Variants in AHR observed in about 807,000 individuals in gnomAD.
AHR encodes AH-receptor.
Under a neutral mutation model 86.8 loss-of-function variants are expected in AHR, and 40 were observed. That is an observed-to-expected ratio of 0.46 (90% CI 0.36 to 0.60). The LOEUF (loss-of-function observed/expected upper bound fraction) is 0.60, where lower values mean the gene tolerates loss of function less well. Ranked by LOEUF, AHR falls within the 20% of genes least tolerant of loss-of-function variation. The pLI is 0.00. For missense variants in AHR, 1,001 were observed against 1,011.6 expected (o/e 0.99, Z 0.14); for synonymous variants, 398 against 354.9 (o/e 1.12, Z -1.37).
Position 17,342,971 on chromosome 7 carries a change from A to C in AHR, c.2454A>C (p.Ile818=). 2 of 1,613,622 alleles carry C rather than the reference A, an allele frequency of 1.2e-6. No homozygotes were observed. Among genetic ancestry groups the C allele is most frequent in the South Asian group, 2.2e-5 (2 of 91,032 alleles). The change falls in exon 11 of 11, where the codon ATA becomes ATC. Residue 818 remains isoleucine (I), a synonymous_variant. Coordinates refer to ENST00000242057, the MANE Select transcript of AHR (RefSeq NM_001621.5). ...NETYPAELNN[I]NNTQTTTHLQ... ...CATATCCAGCTGAATTAAATAACAT[A>C]AATAACACTCAGACTACCACACATC...
intron 1 of AHR, among the ~76,000 whole-genome samples, chr7:17,307,772 A>G (rs895305885): frequency 2.0e-5 from 3 of 152,154 alleles, no homozygotes; most frequent in African/African-American, 7.2e-5. Flanking sequence ...TGTATACTCT[A>G]TCACCAGAGT....
At chr7:17,332,449 C>T (rs1782306382) in intron 6 of AHR, among the ~76,000 whole-genome samples, 1 of 151,772 alleles carries the variant, frequency 6.6e-6, no homozygotes, top group African/African-American at 2.4e-5. Context: ...CGCAGACCTT[C>T]CAGTGGGACA....
At chr7:17,331,350 T>C (rs1782286780) in intron 6 of AHR, among the ~76,000 whole-genome samples, 1 of 151,984 alleles carries the variant, frequency 6.6e-6, no homozygotes. Context: ...ATTTCAGCTT[T>C]AAAAATCTGC....
rs1361936584 is a variant in AHR at position 17,345,076 on chromosome 7, G to GGAGGGA, written c.*2017_*2018insAGAGGG. ...TCACGCCTGTAATCCCAGCACTTGG[G>GGAGGGA]GAGGGCGAGGAGGGTGGATCACGAG... On this transcript the variant is annotated 3_prime_UTR_variant, in exon 11 of 11. Transcript: ENST00000242057. 2 of 152,002 alleles carry GGAGGGA rather than the reference G, an allele frequency of 1.3e-5. No homozygotes were observed. The highest frequency in any genetic ancestry group is 2.9e-5 in the Non-Finnish European group (2 of 67,976). The allele number at this position is 152,002 out of a possible 1,614,324, so 9.4% of individuals were successfully genotyped here.
intron 2 of AHR, among the ~76,000 whole-genome samples, chr7:17,321,758 G>A (rs1782176216): frequency 6.6e-6 from 1 of 151,878 alleles, no homozygotes; most frequent in Non-Finnish European, 1.5e-5. Flanking sequence ...TTTACAAGAT[G>A]TAATACCTAG....
At position 17,333,991 on chromosome 7, in the gene AHR, A is replaced by G; in HGVS notation, c.785A>G (p.Gln262Arg). Residue 262 changes from glutamine to arginine, a missense_variant, in exon 7 of 11, where the codon CAG becomes CGG. Gln to Arg is a conservative substitution (Grantham distance 43). Coordinates refer to ENST00000242057, the MANE Select transcript of AHR (RefSeq NM_001621.5). ...AAAGATGGATCAATACTTCCACCTC[A>G]GTTGGCTTTGTTTGCGATAGCTACT... ...KGKDGSILPPQLALFAIATPL... is the reference protein window; with the variant it reads ...KGKDGSILPPRLALFAIATPL... 1 of 1,613,530 alleles carries G rather than the reference A, an allele frequency of 6.2e-7. No individual in the cohort carries two copies. Among genetic ancestry groups the G allele is most frequent in the Middle Eastern group, 1.6e-4 (1 of 6,062 alleles).
chr7:17,337,584 C>T (rs1383631411), intron 9 of AHR, among the ~76,000 whole-genome samples: 1 of 150,716 alleles, frequency 6.6e-6, no homozygotes, highest in Non-Finnish European at 1.5e-5. Flanking sequence ...ACGCCATTCT[C>T]CTGCCTCAGC....
intron 2 of AHR, 55 bp downstream of exon 2, chr7:17,310,178 A>T (rs967934625): frequency 8.2e-6 from 12 of 1,468,944 alleles, no homozygotes; most frequent in Admixed American, 3.6e-5. Context: ...TACTTGTACT[A>T]GATATAGCTG....
intron 4 of AHR, 80 bp downstream of exon 4, chr7:17,327,928 G>C: frequency 2.0e-6 from 1 of 492,836 alleles, no homozygotes. Flanking sequence ...TTGGCCATTT[G>C]TATGTATAAA....
intron 6 of AHR, among the ~76,000 whole-genome samples, chr7:17,333,257 C>G (rs56046005): frequency 1.2e-3 from 183 of 151,962 alleles, no homozygotes; most frequent in African/African-American, 4.0e-3. Flanking sequence ...TGCAGGAGGG[C>G]CTTTTCCTCC....
In AHR at chr7:17,343,209, T is replaced by A; in HGVS notation, c.*145T>A. Reference sequence around the variant, plus strand: ...TTCACAATTATTCCAAACCAAATTTTAATTTTTGCTTTTAGAAAAGGGAGT... The same window carrying A: ...TTCACAATTATTCCAAACCAAATTTAAATTTTTGCTTTTAGAAAAGGGAGT... On this transcript the variant is annotated 3_prime_UTR_variant, in exon 11 of 11. Transcript: ENST00000242057. 2 of 1,010,886 alleles carry A rather than the reference T, an allele frequency of 2.0e-6. No homozygotes were observed. The highest frequency in any genetic ancestry group is 3.0e-6 in the Non-Finnish European group (2 of 668,382). The allele number at this position is 1,010,886 out of a possible 1,614,324, so 62.6% of individuals were successfully genotyped here. A position where few individuals can be genotyped will look rare whatever the true frequency, so the allele number is the denominator to read the frequency against.
intron 9 of AHR, among the ~76,000 whole-genome samples, chr7:17,338,131 G>A (rs1254103794): frequency 4.7e-5 from 7 of 150,262 alleles, no homozygotes; most frequent in Non-Finnish European, 8.9e-5. Context: ...CCCGGGAGGC[G>A]GAGCTTGCAG....
chr7:17,337,741 C>G (rs1401467993), intron 9 of AHR, among the ~76,000 whole-genome samples: 1 of 151,584 alleles, frequency 6.6e-6, no homozygotes, highest in Admixed American at 6.6e-5. Flanking sequence ...TCCCAAAGTG[C>G]TGGGATTACA....
chr7:17,317,005 A>T (rs1782121490), intron 2 of AHR, among the ~76,000 whole-genome samples: 1 of 152,114 alleles, frequency 6.6e-6, no homozygotes, highest in Admixed American at 6.6e-5. Context: ...AGTAAATTCT[A>T]AAAATGAGAG....
At chr7:17,332,047 A>G (rs893347226) in intron 6 of AHR, among the ~76,000 whole-genome samples, 15 of 151,966 alleles carry the variant, frequency 9.9e-5, no homozygotes, top group Admixed American at 9.9e-4. Flanking sequence ...GCTTTGGTCA[A>G]TAACAGACCA....
At chr7:17,322,874 C>A (rs1202401952) in intron 3 of AHR, among the ~76,000 whole-genome samples, 3 of 151,974 alleles carry the variant, frequency 2.0e-5, no homozygotes, top group African/African-American at 7.2e-5. Flanking sequence ...TGTAATTTTT[C>A]TAGTTTAGAT....
intron 3 of AHR, 36 bp from the exon 4 acceptor site, chr7:17,327,723 T>C: frequency 8.4e-7 from 1 of 1,195,480 alleles, no homozygotes; most frequent in Middle Eastern, 2.0e-4. Flanking sequence ...CAATATTAAG[T>C]CATATTACTA....
intron 2 of AHR, among the ~76,000 whole-genome samples, chr7:17,312,353 A>G (rs1437082897): frequency 1.3e-5 from 2 of 152,208 alleles, no homozygotes; most frequent in East Asian, 1.9e-4. Context: ...ATCAAATTAT[A>G]TATGTTAAAA....
chr7:17,316,727 C>G (rs1188416468), intron 2 of AHR, among the ~76,000 whole-genome samples: 3 of 152,086 alleles, frequency 2.0e-5, no homozygotes, highest in Admixed American at 2.0e-4. Flanking sequence ...ATACAATTGT[C>G]ATATTTACAG....
Sources: gnomAD v4.1 joint callset for allele counts (sites outside exome capture counted in the v4.1 genomes callset) on GRCh38, gnomAD v4.1.1 for gene constraint, MANE v1.5 for transcripts, NCBI Gene and HGNC (gene_info 2026-07-23, HGNC 2026-07-21) for gene names.